NSMF: variants seen among roughly 807,000 people sequenced by gnomAD.
The protein encoded by NSMF is NMDA receptor synaptonuclear signaling and neuronal migration factor, also known as nasal embryonic LHRH factor.
In NSMF, 31 loss-of-function variants were observed where a neutral mutation model predicts 71.0. That is an observed-to-expected ratio of 0.44 (90% CI 0.33 to 0.59). NSMF has a LOEUF of 0.59. Among genes scored for constraint, NSMF ranks in the 20% least tolerant of loss-of-function variants. NSMF has a pLI of 0.04. For missense variants in NSMF, 673 were observed against 740.5 expected, an observed-to-expected ratio of 0.91 and a Z score of 1.06; for synonymous variants, 345 against 287.1, an observed-to-expected ratio of 1.20 and a Z score of -2.04.
Position 137,459,072 on chromosome 9 carries a change from G to T in NSMF, c.31C>A (p.Leu11Met). The T allele has an allele frequency of 7.9e-7, 1 of 1,269,930 alleles. No individual in the cohort carries two copies. Among genetic ancestry groups the T allele is most frequent in the Admixed American group, 3.7e-5 (1 of 27,376 alleles). The allele number at this position is 1,269,930 out of a possible 1,614,324, so 78.7% of individuals were successfully genotyped here. Residue 11 changes from leucine (L) to methionine (M), a missense_variant, in exon 1 of 16, where the codon CTG becomes ATG. Physicochemically the swap from Leu to Met is conservative, Grantham distance 15. Transcript: ENST00000371475. MGAAASRRRA[L>M]RSEAMSSVAA... ...ACCGAGGACATGGCCTCGCTCCTCAGCGCCCTCCTCCTGGAGGCGGCGGCG... is the reference window on the plus strand; with the variant it reads ...ACCGAGGACATGGCCTCGCTCCTCATCGCCCTCCTCCTGGAGGCGGCGGCG...
At position 137,455,300 on chromosome 9, in the gene NSMF, T is replaced by C; in HGVS notation, c.718A>G (p.Arg240Gly). ...CGGCGCTTCCTCTCCGCGTAGCCCC[T>C]GAACACCCTGGGAAACCACCGCGAG... is the stretch of plus-strand genomic sequence containing the variant. ...TTTMQAISVFRGYAERKRRKR... is the reference protein window; with the variant it reads ...TTTMQAISVFGGYAERKRRKR... Residue 240 changes from arginine to glycine, a missense_variant, in exon 6 of 16, where the codon AGG (arginine) becomes GGG (glycine). Transcript: ENST00000371475. The C allele has an allele frequency of 6.2e-7, 1 of 1,612,768 alleles. No homozygotes were observed. The highest frequency in any genetic ancestry group is 8.5e-7 in the Non-Finnish European group (1 of 1,179,914).
chr9:137,454,433 T>C lies in NSMF; in HGVS notation c.790A>G (p.Lys264Glu). 1 of 1,550,176 alleles carries C rather than the reference T, an allele frequency of 6.5e-7. No individual in the cohort carries two copies. Among genetic ancestry groups the C allele is most frequent in the Non-Finnish European group, 8.7e-7 (1 of 1,146,826 alleles). ...SASVIQRNFR[K>E]HLRMVGSRRV... is the part of the protein sequence containing the mutation. ...CGGCTGCCGACCATGCGCAGGTGTT[T>C]GCGGAAGTTCCTGGGGGAGGAAGCC... The change falls in exon 7 of 16, where the codon AAA becomes GAA. Residue 264 changes from lysine to glutamate, a missense_variant. Lys to Glu is a moderately conservative substitution (Grantham distance 56, BLOSUM62 1). This residue lies in a region of NSMF where 471 missense variants were observed against 459.6 expected (regional missense o/e 1.02). Coordinates refer to ENST00000371475, the MANE Select transcript of NSMF (RefSeq NM_001130969.3).
At chr9:137,454,566 C>T (rs1830737103) in intron 6 of NSMF, 123 bp from the exon 7 acceptor site, 1 of 1,548,014 alleles carries the variant, frequency 6.5e-7, no homozygotes, top group African/African-American at 1.4e-5. Flanking sequence ...CAGTGCTCTC[C>T]CTGGCTCCTG....
chr9:137,454,746 G>A (rs1270993082), intron 6 of NSMF: 3 of 1,460,744 alleles, frequency 2.1e-6, no homozygotes, highest in Non-Finnish European at 2.7e-6. Flanking sequence ...CGGGACTTAC[G>A]CCCTGAGCCT....
At chr9:137,458,031 T>C in intron 2 of NSMF, 130 bp from the exon 3 acceptor site, 1 of 1,316,190 alleles carries the variant, frequency 7.6e-7, no homozygotes, top group Non-Finnish European at 1.1e-6. Context: ...GCCCAAACCC[T>C]AGTCACTGGC....
rs769816077 is a variant in NSMF at position 137,459,003 on chromosome 9, G to T, written c.71+29C>A. On this transcript the variant is annotated intron_variant, in intron 1 of 15. Transcript: ENST00000371475. ...GGCGGGGTCGGAGGTCCAGGGCGGG[G>T]TGCGGGAAGGCGGCCCCGCCGCACT... The T allele has an allele frequency of 9.7e-4, 1,229 of 1,272,768 alleles. 1 individual carries two copies. Among genetic ancestry groups the T allele is most frequent in the Admixed American group, 1.7e-3 (41 of 23,960 alleles). 78.8% of individuals were successfully genotyped at this position (1,272,768 alleles called of 1,614,324 possible). A position where few individuals can be genotyped will look rare whatever the true frequency, so the allele number is the denominator to read the frequency against.
At chr9:137,449,800 A>C in intron 14 of NSMF, 123 bp downstream of exon 14, 1 of 1,297,466 alleles carries the variant, frequency 7.7e-7, no homozygotes. Context: ...TCAGGCATAA[A>C]GGATTTCTAG....
In NSMF at chr9:137,458,482, C is replaced by T; in HGVS notation, c.133+6G>A. ...GCGGCCCTGGCACGGCCTCGCGTGC[C>T]CCTACCTGCGCCGTTGCGGTTCTCA... On this transcript the variant is annotated splice_donor_region_variant and intron_variant, in intron 2 of 15. Transcript: ENST00000371475. 6.3e-7 allele frequency: 1 copy of T among 1,582,504 alleles called. No homozygotes were observed. Among genetic ancestry groups the T allele is most frequent in the South Asian group, 1.1e-5 (1 of 87,288 alleles).
rs1480529947 is a variant in NSMF, at chr9:137,448,754, G to C, written c.*640C>G. 6.4e-6 allele frequency: 1 copy of C among 157,202 alleles called. No individual in the cohort carries two copies. 9.7% of individuals were successfully genotyped at this position (157,202 alleles called of 1,614,324 possible). On this transcript the variant is annotated 3_prime_UTR_variant, in exon 16 of 16. Coordinates refer to ENST00000371475, the MANE Select transcript of NSMF (RefSeq NM_001130969.3). This position sits in a 1 kb window ranked among gnomAD's most constrained non-coding sequence, Gnocchi z 5.3. ...CCGGCGCCGGCTGAGGTCTAAGTAAGCAGGGATGGGGGGTGGCAAGAGGAG... is the reference window on the plus strand; with the variant it reads ...CCGGCGCCGGCTGAGGTCTAAGTAACCAGGGATGGGGGGTGGCAAGAGGAG...
At position 137,457,838 on chromosome 9, in the gene NSMF, TG is replaced by T; in HGVS notation, c.196del (p.Gln66ArgfsTer59). 4 of 1,554,204 alleles carry T rather than the reference TG, an allele frequency of 2.6e-6. No individual in the cohort carries two copies. The highest frequency in any genetic ancestry group is 8.7e-7 in the Non-Finnish European group (1 of 1,149,512). On this transcript the variant is annotated frameshift_variant, in exon 3 of 16. Transcript: ENST00000371475. LOFTEE classifies it high-confidence loss of function. ...GACGAGGGACAGGCGGCGCTTGTTC[TG>T]GGGGGCCGGCTGCATCTCGGGGGAC... ...DGSPEMQPAP[Q>X]NKRRLSLVSN...
At chr9:137,450,837 A>T (rs894335439) in intron 12 of NSMF, among the ~76,000 whole-genome samples, 1 of 10,980 alleles carries the variant, frequency 9.1e-5, no homozygotes, top group African/African-American at 4.7e-4. Context: ...CTTCCCCTTG[A>T]CCTGCCCGCC....
At chr9:137,458,049 T>C in intron 2 of NSMF, 148 bp from the exon 3 acceptor site, 1 of 1,172,242 alleles carries the variant, frequency 8.5e-7, no homozygotes. Flanking sequence ...GGCGTGTTTC[T>C]GAGCCCCTCA....
intron 1 of NSMF, 106 bp from the exon 2 acceptor site, chr9:137,458,655 G>A: frequency 8.8e-7 from 1 of 1,132,716 alleles, no homozygotes; most frequent in Non-Finnish European, 1.3e-6. Flanking sequence ...CTCGGCGTCT[G>A]GAAGGAGGGT....
At chr9:137,458,627 C>G in intron 1 of NSMF, 78 bp from the exon 2 acceptor site, 1 of 1,380,328 alleles carries the variant, frequency 7.2e-7, no homozygotes, top group Non-Finnish European at 1.0e-6. Flanking sequence ...AGCCGGGGGT[C>G]CGGTCCCCAG....
At position 137,458,545 on chromosome 9, in the gene NSMF, C is replaced by A; in HGVS notation, c.76G>T (p.Ala26Ser). 6.3e-7 allele frequency: 1 copy of A among 1,596,102 alleles called. No individual in the cohort carries two copies. The highest frequency in any genetic ancestry group is 8.5e-7 in the Non-Finnish European group (1 of 1,173,252). Residue 26 changes from alanine to serine, a missense_variant, in exon 2 of 16, where the codon GCC becomes TCC. By Grantham distance (99) the Ala-to-Ser change is moderately conservative. Coordinates refer to ENST00000371475, the MANE Select transcript of NSMF (RefSeq NM_001130969.3). ...MSSVAAKVRA[A>S]RAFGEYLSQS... ...GACAGGTACTCTCCAAACGCTCGGG[C>A]TGCTCTGAGGGTGGACAGAGGGCAC...
At chr9:137,456,361 C>A in intron 4 of NSMF, 50 bp downstream of exon 4, 1 of 1,427,532 alleles carries the variant, frequency 7.0e-7, no homozygotes, top group Non-Finnish European at 9.9e-7. Flanking sequence ...TCCTGAGCAG[C>A]AGAAAGAGAC....
intron 3 of NSMF, among the ~76,000 whole-genome samples, chr9:137,457,038 C>T (rs1385946306): frequency 6.6e-6 from 1 of 152,076 alleles, no homozygotes; most frequent in Non-Finnish European, 1.5e-5. Context: ...CCTGGCTGGG[C>T]CCCAACAGCT....
At position 137,449,307 on chromosome 9, in the gene NSMF, C is replaced by T; in HGVS notation, c.*87G>A. 5 of 1,138,964 alleles carry T rather than the reference C, an allele frequency of 4.4e-6. No individual in the cohort carries two copies. The highest frequency in any genetic ancestry group is 6.5e-6 in the Non-Finnish European group (5 of 767,680). The allele number at this position is 1,138,964 out of a possible 1,614,324, so 70.6% of individuals were successfully genotyped here. On this transcript the variant is annotated 3_prime_UTR_variant, in exon 16 of 16. Coordinates refer to ENST00000371475, the MANE Select transcript of NSMF (RefSeq NM_001130969.3). ...GGCTCCAGGCGAGACCGGAGCCACA[C>T]AGTCCCGGGGAGCACGAGGCGGCCC... is the stretch of plus-strand genomic sequence containing the variant.
At position 137,456,578 on chromosome 9, in the gene NSMF, G is replaced by A. The variant is rs1830848983; in HGVS notation, c.629-92C>T. On this transcript the variant is annotated intron_variant, in intron 3 of 15. Coordinates refer to ENST00000371475, the MANE Select transcript of NSMF (RefSeq NM_001130969.3). ...TGGGAAGCAGATGCTTCTGGGTCCAGGGGTCAGCAGAAGCTGGCAGCCAGG... is the reference window on the plus strand; with the variant it reads ...TGGGAAGCAGATGCTTCTGGGTCCAAGGGTCAGCAGAAGCTGGCAGCCAGG... 8 of 852,812 alleles carry A rather than the reference G, an allele frequency of 9.4e-6. 1 individual carries two copies. The highest frequency in any genetic ancestry group is 7.9e-5 in the South Asian group (6 of 75,600). The allele number at this position is 852,812 out of a possible 1,614,324, so 52.8% of individuals were successfully genotyped here.
Sources: gnomAD v4.1 joint callset for allele counts (sites outside exome capture counted in the v4.1 genomes callset) on GRCh38, gnomAD v4.1.1 for gene constraint, gnomAD v4.1.1 regional missense constraint, Gnocchi (gnomAD v3.1) non-coding constraint, MANE v1.5 for transcripts, NCBI Gene and HGNC (gene_info 2026-07-23, HGNC 2026-07-21) for gene names.